PDE7B: variants seen among roughly 807,000 people sequenced by gnomAD.
PDE7B encodes phosphodiesterase 7B.
In PDE7B, 29 loss-of-function variants were observed where a neutral mutation model predicts 56.2. The ratio of observed to expected loss-of-function variants is 0.52; its 90% CI spans 0.38 to 0.70. PDE7B has a LOEUF of 0.70. Among genes scored for constraint, PDE7B ranks in the 30% least tolerant of loss-of-function variants. The probability of loss-of-function intolerance (pLI) is 0.00; values close to 1 mark genes in which losing one functional copy is unlikely to be tolerated. For synonymous variants in PDE7B, 197 were observed against 196.9 expected (o/e 1.00, Z 0.00); for missense variants, 490 against 565.0 (o/e 0.87, Z 1.35).
chr6:135,921,097 T>C (rs1774069684), intron 1 of PDE7B, among the ~76,000 whole-genome samples: 1 of 152,190 alleles, frequency 6.6e-6, no homozygotes, highest in South Asian at 2.1e-4. Context: ...AGTCAGTGAG[T>C]GTAGACGACA....
intron 1 of PDE7B, among the ~76,000 whole-genome samples, chr6:135,884,439 C>T (rs1775665844): frequency 6.6e-6 from 1 of 152,168 alleles, no homozygotes; most frequent in African/African-American, 2.4e-5. Flanking sequence ...TTCAACCAGT[C>T]TTTCCGGCAG....
intron 1 of PDE7B, among the ~76,000 whole-genome samples, chr6:135,856,488 C>A (rs1387552560): frequency 6.6e-6 from 1 of 152,128 alleles, no homozygotes; most frequent in African/African-American, 2.4e-5. Context: ...GTTGAGGGAA[C>A]CTTCAGAAGA....
At chr6:136,014,569 G>A (rs1775944386) in intron 2 of PDE7B, among the ~76,000 whole-genome samples, 1 of 152,242 alleles carries the variant, frequency 6.6e-6, no homozygotes, top group East Asian at 1.9e-4. Context: ...AGAGGCTCCT[G>A]TAGTTCTCTA....
intron 2 of PDE7B, among the ~76,000 whole-genome samples, chr6:135,994,918 C>T (rs1015336630): frequency 6.6e-6 from 1 of 152,140 alleles, no homozygotes; most frequent in Non-Finnish European, 1.5e-5. Flanking sequence ...CAGAGTTAGT[C>T]ATAGTCATAG....
chr6:136,087,716 A>C (rs1659730968), intron 2 of PDE7B, among the ~76,000 whole-genome samples: 1 of 152,150 alleles, frequency 6.6e-6, no homozygotes, highest in African/African-American at 2.4e-5. Flanking sequence ...GAAGGTGAAA[A>C]AGAATACACC....
chr6:135,913,965 CAT>C (rs1290449516), intron 1 of PDE7B, among the ~76,000 whole-genome samples: 1 of 152,154 alleles, frequency 6.6e-6, no homozygotes, highest in Non-Finnish European at 1.5e-5. Context: ...TAGTGATTGA[CAT>C]ATGTTTTCCA....
chr6:136,085,034 C>T (rs995519170), intron 2 of PDE7B, among the ~76,000 whole-genome samples: 2 of 152,160 alleles, frequency 1.3e-5, no homozygotes, highest in African/African-American at 4.8e-5. Context: ...GGGGCATCTG[C>T]CACTTGCAGG....
chr6:136,075,115 G>A (rs181254042), intron 2 of PDE7B, among the ~76,000 whole-genome samples: 11 of 152,138 alleles, frequency 7.2e-5, no homozygotes, highest in Admixed American at 1.3e-4. Context: ...TCAAGCCACC[G>A]TCTCAGTCTG....
In PDE7B at chr6:136,191,597, T is replaced by C. The variant is rs755912376; in HGVS notation, c.1127-17T>C. ...TTCACCACGCTGTGATGCTGAGCCT[T>C]GACTTGCCTGTTCTAGGTTTCATGA... On this transcript the variant is annotated splice_polypyrimidine_tract_variant and intron_variant, in intron 12 of 12. Transcript: ENST00000308191. The C allele has an allele frequency of 5.6e-6, 9 of 1,608,144 alleles. 1 individual carries two copies. The highest frequency in any genetic ancestry group is 7.7e-6 in the Non-Finnish European group (9 of 1,174,952).
At chr6:135,996,935 T>C (rs1007082012) in intron 2 of PDE7B, among the ~76,000 whole-genome samples, 16 of 152,038 alleles carry the variant, frequency 1.1e-4, no homozygotes, top group African/African-American at 2.9e-4. Context: ...TATAGTCCAT[T>C]GGAGATATGC....
At position 135,981,256 on chromosome 6, in the gene PDE7B, G is replaced by A. The variant is rs1010174672; in HGVS notation, c.82+33732G>A. On this transcript the variant is annotated intron_variant, in intron 2 of 12. Coordinates refer to ENST00000308191, the MANE Select transcript of PDE7B (RefSeq NM_018945.4). ...CAATGAGAACACATGGACACAGGAAGGGGAACATCACACTGTGGGGACTGT... is the reference window on the plus strand; with the variant it reads ...CAATGAGAACACATGGACACAGGAAAGGGAACATCACACTGTGGGGACTGT... Among the ~76,000 whole-genome samples the A allele has an allele frequency of 4.3e-5, 6 of 140,114 alleles. No individual in the cohort carries two copies. In the Admixed American group the frequency reaches 4.5e-4, roughly 11 times the overall value. The allele number at this position is 140,114 out of a possible 152,430, so 91.9% of individuals were successfully genotyped here.
chr6:135,970,290 G>A (rs544870550), intron 2 of PDE7B, among the ~76,000 whole-genome samples: 12 of 152,110 alleles, frequency 7.9e-5, no homozygotes, highest in Non-Finnish European at 1.5e-4. Context: ...TGGCAGGTGG[G>A]TAGCTTTTGT....
At chr6:135,948,112 T>C (rs1774623515) in intron 2 of PDE7B, among the ~76,000 whole-genome samples, 1 of 151,988 alleles carries the variant, frequency 6.6e-6, no homozygotes, top group South Asian at 2.1e-4. Context: ...ATTATTTTCC[T>C]CATTTTATAG....
intron 2 of PDE7B, among the ~76,000 whole-genome samples, chr6:135,950,023 A>G (rs1211710520): frequency 6.6e-6 from 1 of 152,126 alleles, no homozygotes; most frequent in Non-Finnish European, 1.5e-5. Flanking sequence ...GAAGAATACC[A>G]AAATAAAATC....
rs149417103 is a variant in PDE7B, at chr6:135,906,756, T to C, written c.22-40708T>C. Among the ~76,000 whole-genome samples, 307 of 150,938 alleles carry C rather than the reference T, an allele frequency of 2.0e-3. 2 individuals carry two copies. In the East Asian group the frequency reaches 0.024, roughly 12 times the overall value. On this transcript the variant is annotated intron_variant, in intron 1 of 12. Transcript: ENST00000308191. ...GATGTAATGACTCATACAAATACTTTTCATAGCAGAAACATTTACATGTCT... is the reference window on the plus strand; with the variant it reads ...GATGTAATGACTCATACAAATACTTCTCATAGCAGAAACATTTACATGTCT...
chr6:136,118,145 G>A (rs948288315), intron 3 of PDE7B, among the ~76,000 whole-genome samples: 1 of 152,114 alleles, frequency 6.6e-6, no homozygotes, highest in African/African-American at 2.4e-5. Flanking sequence ...TCTCTCTGCT[G>A]AGTACATCCC....
chr6:136,054,321 C>T (rs1352488894), intron 2 of PDE7B, among the ~76,000 whole-genome samples: 3 of 152,136 alleles, frequency 2.0e-5, no homozygotes, highest in African/African-American at 7.2e-5. Flanking sequence ...AATCGTTTCC[C>T]CATTTCTTGT....
rs144754503 is a variant in PDE7B, at chr6:135,923,161, A to G, written c.22-24303A>G. On this transcript the variant is annotated intron_variant, in intron 1 of 12. Transcript: ENST00000308191. ...GTAGCCAACACGATCTATGTAGTCT[A>G]CTTTATGTCCCTTCTTTTGTCACAC... Among the ~76,000 whole-genome samples, 169 of 152,350 alleles carry G rather than the reference A, an allele frequency of 1.1e-3. 1 individual carries two copies. The highest frequency in any genetic ancestry group is 3.8e-3 in the African/African-American group (160 of 41,588).
chr6:136,021,817 T>C (rs1295232464), intron 2 of PDE7B, among the ~76,000 whole-genome samples: 1 of 152,200 alleles, frequency 6.6e-6, no homozygotes, highest in East Asian at 1.9e-4. Flanking sequence ...TGTGGTCTTA[T>C]GAAAACTATT....
Sources: allele counts gnomAD v4.1 joint callset (sites outside exome capture counted in the v4.1 genomes callset), GRCh38; gene constraint gnomAD v4.1.1; transcripts MANE v1.5; gene names NCBI Gene and HGNC (gene_info 2026-07-23, HGNC 2026-07-21).